NOTCH1: variants seen among roughly 807,000 people sequenced by gnomAD.
NOTCH1 encodes the protein neurogenic locus notch homolog protein 1.
Under a neutral mutation model 254.8 loss-of-function variants are expected in NOTCH1, and 37 were observed. The observed-to-expected ratio is 0.15, with a 90% CI of 0.11 to 0.19. The LOEUF (loss-of-function observed/expected upper bound fraction) is 0.19, where lower values mean the gene tolerates loss of function less well. Among genes scored for constraint, NOTCH1 ranks in the 10% least tolerant of loss-of-function variants. The pLI is 1.00. For missense variants in NOTCH1, 2,972 were observed against 3,708.6 expected, an observed-to-expected ratio of 0.80 and a Z score of 5.16; for synonymous variants, 1,731 against 1,618.1, an observed-to-expected ratio of 1.07 and a Z score of -1.68.
In NOTCH1 at chr9:136,505,291, A is replaced by G. The variant is rs551481776; in HGVS notation, c.4586+19T>C. On this transcript the variant is annotated intron_variant, in intron 25 of 33. Transcript: ENST00000651671. ...CAAGTTCAGGTCCTCCCTCAGCCCC[A>G]TGAGCCCCGCAGCCTTACTTGCACT... 2 of 1,556,086 alleles carry G rather than the reference A, an allele frequency of 1.3e-6. No homozygotes were observed. The highest frequency in any genetic ancestry group is 2.4e-5 in the East Asian group (1 of 41,494).
In NOTCH1 at chr9:136,503,212, T is replaced by C. The variant is rs905363739; in HGVS notation, c.5137A>G (p.Asn1713Asp). The change falls in exon 27 of 34, where the codon AAC (asparagine) becomes GAC (aspartate). Residue 1713 changes from asparagine (N) to aspartate (D), a missense_variant. Asn to Asp is a conservative substitution (Grantham distance 23, BLOSUM62 1). This residue lies in a region of NOTCH1 where 421 missense variants were observed against 604.4 expected (regional missense o/e 0.70). Transcript: ENST00000651671. The stretch of plus-strand genomic sequence containing the variant: ...ACGGCCTCGATCTTGTAGGGGATGT[T>C]GAGGCTGCCCAGCGAGGCGAGCGCT... Reference protein sequence around the residue: ...LGALASLGSLNIPYKIEAVQS... With the variant: ...LGALASLGSLDIPYKIEAVQS... The C allele has an allele frequency of 6.2e-7, 1 of 1,612,884 alleles. No individual in the cohort carries two copies. The highest frequency in any genetic ancestry group is 8.5e-7 in the Non-Finnish European group (1 of 1,180,000).
rs569203312 is a variant in NOTCH1, at chr9:136,502,075, C to T, written c.5398G>A (p.Ala1800Thr). Residue 1800 changes from alanine (A) to threonine (T), a missense_variant, in exon 29 of 34, where the codon GCT becomes ACT. Physicochemically the swap from Ala to Thr is moderately conservative, Grantham distance 58 (BLOSUM62 0). This residue lies in a region of NOTCH1 where 421 missense variants were observed against 604.4 expected (regional missense o/e 0.70). Coordinates refer to ENST00000651671, the MANE Select transcript of NOTCH1 (RefSeq NM_017617.5). ...TCGTCCATGAGGGCACCGTCTGAAG[C>T]GTTCTTCAGGGGCCTGGGGGGTGAG... Reference protein sequence around the residue: ...DSVGLKPLKNASDGALMDDNQ... With the variant: ...DSVGLKPLKNTSDGALMDDNQ... 10 of 1,613,198 alleles carry T rather than the reference C, an allele frequency of 6.2e-6. No individual in the cohort carries two copies. Among genetic ancestry groups the T allele is most frequent in the African/African-American group, 5.3e-5 (4 of 75,024 alleles).
At chr9:136,530,824 T>G (rs1843547549) in intron 2 of NOTCH1, among the ~76,000 whole-genome samples, 1 of 152,118 alleles carries the variant, frequency 6.6e-6, no homozygotes, top group South Asian at 2.1e-4. Flanking sequence ...CACCCCACGA[T>G]GGCTCAGAGG....
Position 136,502,059 on chromosome 9 carries a change from A to G in NOTCH1, c.5414T>C (p.Leu1805Pro), listed in dbSNP as rs201779159. The G allele has an allele frequency of 1.1e-4, 172 of 1,613,162 alleles. No homozygotes were observed. Among genetic ancestry groups the G allele is most frequent in the Non-Finnish European group, 1.3e-4 (159 of 1,179,948 alleles). ...CCACTCATTCTGGTTGTCGTCCATG[A>G]GGGCACCGTCTGAAGCGTTCTTCAG... is the stretch of plus-strand genomic sequence containing the variant. ...KPLKNASDGA[L>P]MDDNQNEWGD... The change falls in exon 29 of 34, where the codon CTC becomes CCC. Residue 1805 changes from leucine to proline, a missense_variant. Physicochemically the swap from Leu to Pro is moderately conservative, Grantham distance 98 (BLOSUM62 -3). Coordinates refer to ENST00000651671, the MANE Select transcript of NOTCH1 (RefSeq NM_017617.5).
chr9:136,496,568 G>T lies in NOTCH1; in HGVS notation c.7171C>A (p.Gln2391Lys). ...GGCTGCAGGTTCTGCTGCTGCATCT[G>T]TAAGTTTTGTGGCTGCACCTGCTGG... ...QTQQVQPQNL[Q>K]MQQQNLQPAN... The change falls in exon 34 of 34, where the codon CAG becomes AAG. Residue 2391 changes from glutamine to lysine, a missense_variant. Gln to Lys is a moderately conservative substitution (Grantham distance 53, BLOSUM62 1). Around this residue, in one of 8 missense-constraint regions of NOTCH1, gnomAD observed 529 missense variants for 529.2 expected, o/e 1.00. Transcript: ENST00000651671. 1 of 1,611,956 alleles carries T rather than the reference G, an allele frequency of 6.2e-7. No individual in the cohort carries two copies. The highest frequency in any genetic ancestry group is 8.5e-7 in the Non-Finnish European group (1 of 1,179,984).
intron 9 of NOTCH1, among the ~76,000 whole-genome samples, 153 bp from the exon 10 acceptor site, chr9:136,516,247 G>A (rs370990259): frequency 2.6e-4 from 39 of 152,232 alleles, no homozygotes; most frequent in Admixed American, 1.9e-3. Context: ...CCTGCCTCCC[G>A]CTGCCCGCTC....
Position 136,515,628 on chromosome 9 carries a change from G to T in NOTCH1, c.1758C>A (p.Thr586=), listed in dbSNP as rs369523266. The T allele has an allele frequency of 1.7e-5, 28 of 1,604,086 alleles. No individual in the cohort carries two copies. The highest frequency in any genetic ancestry group is 2.1e-5 in the Non-Finnish European group (25 of 1,177,638). The stretch of plus-strand genomic sequence containing the variant: ...AGCCTGGGCGGCAGAGGCAGGTGAA[G>T]GTGGCGACGCCGTCCTTGCAGGAGC... ...HYGSCKDGVA[T]FTCLCRPGYT... The change falls in exon 11 of 34, where the codon ACC becomes ACA. Residue 586 remains threonine (T), a synonymous_variant. Coordinates refer to ENST00000651671, the MANE Select transcript of NOTCH1 (RefSeq NM_017617.5).
At chr9:136,529,280 A>G (rs1243865753) in intron 2 of NOTCH1, among the ~76,000 whole-genome samples, 2 of 152,138 alleles carry the variant, frequency 1.3e-5, no homozygotes, top group Non-Finnish European at 2.9e-5. Flanking sequence ...CTGGGTGGGG[A>G]TGCTTCCCAA....
At position 136,522,882 on chromosome 9, in the gene NOTCH1, C is replaced by T. The variant is rs1843395017; in HGVS notation, c.710G>A (p.Gly237Asp). 1.3e-6 allele frequency: 2 copies of T among 1,527,142 alleles called. No homozygotes were observed. The highest frequency in any genetic ancestry group is 2.5e-5 in the East Asian group (1 of 40,816). 94.6% of individuals were successfully genotyped at this position (1,527,142 alleles called of 1,614,324 possible). Reference sequence around the variant, plus strand: ...GCAGGCACACTCGTGGGTGACGTCGCCCGTGGGGCGGCAGGTGCCCCCGTT... The same window carrying T: ...GCAGGCACACTCGTGGGTGACGTCGTCCGTGGGGCGGCAGGTGCCCCCGTT... ...CQNGGTCRPT[G>D]DVTHECACLP... The change falls in exon 4 of 34, where the codon GGC becomes GAC. Residue 237 changes from glycine (G) to aspartate (D), a missense_variant. Coordinates refer to ENST00000651671, the MANE Select transcript of NOTCH1 (RefSeq NM_017617.5).
chr9:136,543,355 A>T (rs1843760343), intron 2 of NOTCH1: 1 of 238,452 alleles, frequency 4.2e-6, no homozygotes. Context: ...CACCCAGAGG[A>T]GGCATCACCC....
intron 29 of NOTCH1, 38 bp downstream of exon 29, chr9:136,501,963 G>A (rs1843003849): frequency 1.2e-6 from 2 of 1,611,346 alleles, no homozygotes; most frequent in Non-Finnish European, 8.5e-7. Context: ...GGCAGCAGGT[G>A]CCCGGGAGCC....
At chr9:136,528,825 G>A (rs1257962299) in intron 2 of NOTCH1, among the ~76,000 whole-genome samples, 1 of 152,098 alleles carries the variant, frequency 6.6e-6, no homozygotes, top group Non-Finnish European at 1.5e-5. Context: ...GTCCCTCACA[G>A]GGCAATAAAT....
rs1255955812 is a variant in NOTCH1, at chr9:136,495,367, T to C, written c.*704A>G. ...AAACAAAGATTCATGATTGGTACCATGGGTGCACTCTTGGCATACACACTC... is the reference window on the plus strand; with the variant it reads ...AAACAAAGATTCATGATTGGTACCACGGGTGCACTCTTGGCATACACACTC... On this transcript the variant is annotated 3_prime_UTR_variant, in exon 34 of 34. Coordinates refer to ENST00000651671, the MANE Select transcript of NOTCH1 (RefSeq NM_017617.5). 2.5e-6 allele frequency: 1 copy of C among 398,784 alleles called. No individual in the cohort carries two copies. The highest frequency in any genetic ancestry group is 3.5e-5 in the East Asian group (1 of 28,236). The allele number at this position is 398,784 out of a possible 1,614,324, so 24.7% of individuals were successfully genotyped here.
intron 8 of NOTCH1, 127 bp from the exon 9 acceptor site, chr9:136,517,512 C>A (rs761045940): frequency 2.4e-6 from 2 of 821,322 alleles, no homozygotes; most frequent in Non-Finnish European, 3.9e-6. Flanking sequence ...GGGCCCCCTG[C>A]GCACCCGCTC....
In NOTCH1 at chr9:136,495,414, A is replaced by G. The variant is rs1842900855; in HGVS notation, c.*657T>C. 2 of 398,892 alleles carry G rather than the reference A, an allele frequency of 5.0e-6. No homozygotes were observed. Among genetic ancestry groups the G allele is most frequent in the South Asian group, 2.5e-4 (2 of 7,870 alleles). 24.7% of individuals were successfully genotyped at this position (398,892 alleles called of 1,614,324 possible). ...ACTCCGAGAACACATTTTCACAAGC[A>G]TGCTTGCAAGAAACCATCTAAAACA... is the stretch of plus-strand genomic sequence containing the variant. On this transcript the variant is annotated 3_prime_UTR_variant, in exon 34 of 34. Transcript: ENST00000651671.
intron 2 of NOTCH1, among the ~76,000 whole-genome samples, chr9:136,533,501 G>A (rs973873727): frequency 7.9e-5 from 12 of 152,338 alleles, no homozygotes; most frequent in Non-Finnish European, 2.9e-5. Flanking sequence ...CCCCGGCTGC[G>A]GGGAGTCAGC....
At position 136,522,924 on chromosome 9, in the gene NOTCH1, C is replaced by A. The variant is rs35083144; in HGVS notation, c.668G>T (p.Ser223Ile). The A allele has an allele frequency of 6.5e-7, 1 of 1,549,396 alleles. No individual in the cohort carries two copies. Among genetic ancestry groups the A allele is most frequent in the Non-Finnish European group, 8.7e-7 (1 of 1,146,088 alleles). The change falls in exon 4 of 34, where the codon AGC (serine) becomes ATC (isoleucine). Residue 223 changes from serine (S) to isoleucine (I), a missense_variant. Physicochemically the swap from Ser to Ile is moderately radical, Grantham distance 142. This residue lies in a region of NOTCH1 where 374 missense variants were observed against 496.3 expected (regional missense o/e 0.75). Transcript: ENST00000651671. The part of the protein sequence containing the change: ...PNCERPYVPC[S>I]PSPCQNGGTC... The stretch of plus-strand genomic sequence containing the variant: ...GCCCCCGTTCTGGCAGGGCGAGGGG[C>A]TGCAGGGCACGTAGGGCCGCTCGCA...
rs551150550 is a variant in NOTCH1 at position 136,519,560 on chromosome 9, T to C, written c.748A>G (p.Thr250Ala). 24 of 1,612,810 alleles carry C rather than the reference T, an allele frequency of 1.5e-5. No individual in the cohort carries two copies. In the Middle Eastern group the frequency reaches 2.5e-3, roughly 166 times the overall value. The change falls in exon 5 of 34, where the codon ACC becomes GCC. Residue 250 changes from threonine to alanine, a missense_variant. By Grantham distance (58) the Thr-to-Ala change is moderately conservative (BLOSUM62 0). This residue lies in a region of NOTCH1 where 374 missense variants were observed against 496.3 expected (regional missense o/e 0.75). Coordinates refer to ENST00000651671, the MANE Select transcript of NOTCH1 (RefSeq NM_017617.5). ...THECACLPGF[T>A]GQNCEENIDD... is the part of the protein sequence containing the mutation. ...ATATTTTCCTCACAGTTCTGGCCGG[T>C]GAAGCCTGCCGCAAGAGGGGCCGGG...
chr9:136,507,029 G>A, intron 22 of NOTCH1, 56 bp from the exon 23 acceptor site: 1 of 1,578,840 alleles, frequency 6.3e-7, no homozygotes, highest in South Asian at 1.1e-5. Context: ...GCCCTGCCGT[G>A]CCGCGTGTCC....
Sources: allele counts gnomAD v4.1 joint callset (sites outside exome capture counted in the v4.1 genomes callset), GRCh38; gene constraint gnomAD v4.1.1; regional missense constraint gnomAD v4.1.1; transcripts MANE v1.5; gene names NCBI Gene and HGNC (gene_info 2026-07-23, HGNC 2026-07-21).